The following FLNC variants were observed in gnomAD, a reference collection of about 807,000 sequenced individuals.
FLNC encodes filamin C.
A neutral mutation model predicts 254.3 loss-of-function variants in FLNC; 91 were observed. That is an observed-to-expected ratio of 0.36 (90% CI 0.30 to 0.43). The LOEUF (loss-of-function observed/expected upper bound fraction) is 0.43. Ranked by LOEUF, FLNC falls within the 20% of genes least tolerant of loss-of-function variation. The pLI, the probability that FLNC is intolerant of heterozygous loss-of-function variation, is 1.00. For missense variants in FLNC, 2,853 were observed against 3,802.6 expected (o/e 0.75, Z 6.57); for synonymous variants, 1,430 against 1,577.2 (o/e 0.91, Z 2.21).
In FLNC at chr7:128,835,498, G is replaced by T; in HGVS notation, c.525G>T (p.Gln175His). 6.2e-7 allele frequency: 1 copy of T among 1,613,762 alleles called. No homozygotes were observed. Among genetic ancestry groups the T allele is most frequent in the Non-Finnish European group, 8.5e-7 (1 of 1,180,026 alleles). ...GCTGGATCCAGAACAAGGTGCCCCA[G>T]CTGCCCATCACCAACTTCAACCGTG... ...LLGWIQNKVP[Q>H]LPITNFNRDW... Residue 175 changes from glutamine (Q) to histidine (H), a missense_variant, in exon 2 of 48, where the codon CAG (glutamine) becomes CAT (histidine). By Grantham distance (24) the Gln-to-His change is conservative. This residue lies in a region of FLNC where 115 missense variants were observed against 230.3 expected (regional missense o/e 0.50). Transcript: ENST00000325888. This position sits in a 1 kb window ranked among gnomAD's most constrained non-coding sequence, Gnocchi z 5.3.
chr7:128,832,418 A>G (rs192393195), intron 1 of FLNC, among the ~76,000 whole-genome samples: 6 of 152,326 alleles, frequency 3.9e-5, no homozygotes, highest in Admixed American at 3.9e-4. Context: ...CATCCTCAGC[A>G]GGCTGGGTTT....
chr7:128,849,006 G>A (rs1294193991), intron 28 of FLNC, 24 bp downstream of exon 28: 1 of 1,607,556 alleles, frequency 6.2e-7, no homozygotes, highest in East Asian at 2.2e-5. Flanking sequence ...CGCTGCCCGT[G>A]CCCTGCTCAC....
Position 128,853,195 on chromosome 7 carries a change from G to A in FLNC, c.6208+164G>A, listed in dbSNP as rs1585168319. On this transcript the variant is annotated intron_variant, in intron 37 of 47. Coordinates refer to ENST00000325888, the MANE Select transcript of FLNC (RefSeq NM_001458.5). ...GGGGCCCCTTGCGGGAAAGTGAATGGCCCCGCATCAGTTCTCTCCCTTTTA... is the reference window on the plus strand; with the variant it reads ...GGGGCCCCTTGCGGGAAAGTGAATGACCCCGCATCAGTTCTCTCCCTTTTA... The A allele has an allele frequency of 3.4e-5, 26 of 757,632 alleles. No individual in the cohort carries two copies. In the East Asian group the frequency reaches 7.0e-4, roughly 20 times the overall value. 46.9% of individuals were successfully genotyped at this position (757,632 alleles called of 1,614,324 possible).
rs377549772 is a variant in FLNC at position 128,844,645 on chromosome 7, C to T, written c.3193-13C>T. 37 of 1,607,548 alleles carry T rather than the reference C, an allele frequency of 2.3e-5. No homozygotes were observed. The highest frequency in any genetic ancestry group is 4.0e-5 in the African/African-American group (3 of 74,886). The stretch of plus-strand genomic sequence containing the variant: ...CCAGGTGCAGGGAACCCACAACCTG[C>T]CTCTTCCCCTAGGTCTGTGCTTATG... On this transcript the variant is annotated splice_polypyrimidine_tract_variant and intron_variant, in intron 20 of 47. Transcript: ENST00000325888.
chr7:128,845,925 G>T (rs1808543169), intron 21 of FLNC, 65 bp from the exon 22 acceptor site: 1 of 1,446,968 alleles, frequency 6.9e-7, no homozygotes, highest in Non-Finnish European at 9.7e-7. Context: ...GAGGGGGAGA[G>T]GAGAGGGAGC....
Position 128,856,388 on chromosome 7 carries a change from G to T in FLNC, c.7252-130G>T, listed in dbSNP as rs907872298. The T allele has an allele frequency of 1.6e-6, 2 of 1,227,934 alleles. No homozygotes were observed. Among genetic ancestry groups the T allele is most frequent in the African/African-American group, 3.0e-5 (2 of 67,614 alleles). 76.1% of individuals were successfully genotyped at this position (1,227,934 alleles called of 1,614,324 possible). ...GCTCCCAGGCTGGGCTGGCAGGCAG[G>T]GGCCAGGCTGGGCATGGGGTGGCAG... On this transcript the variant is annotated intron_variant, in intron 43 of 47. Coordinates refer to ENST00000325888, the MANE Select transcript of FLNC (RefSeq NM_001458.5). The surrounding 1 kb of genome is among the most constrained non-coding windows in gnomAD (Gnocchi z 5.9).
At chr7:128,851,421 G>A (rs753351679) in intron 34 of FLNC, 34 bp from the exon 35 acceptor site, 4 of 1,613,810 alleles carry the variant, frequency 2.5e-6, no homozygotes, top group Non-Finnish European at 3.4e-6. Flanking sequence ...GGTGAGGGCA[G>A]GACCTCTGAT....
At chr7:128,853,651 G>A (rs893621239) in intron 38 of FLNC, 30 bp downstream of exon 38, 2 of 1,613,974 alleles carry the variant, frequency 1.2e-6, no homozygotes, top group Non-Finnish European at 1.7e-6. Context: ...TCGGTGGCGA[G>A]AGACAGGGAG....
chr7:128,838,059 C>T lies in FLNC; in HGVS notation c.1042C>T (p.His348Tyr), dbSNP rs2128934341. ...CTATGTGCCCAAGGTCGCTGGGTTACACAAGGTATCTCCCTCTAGGCCCCC... is the reference window on the plus strand; with the variant it reads ...CTATGTGCCCAAGGTCGCTGGGTTATACAAGGTATCTCCCTCTAGGCCCCC... ...VSYVPKVAGL[H>Y]KVTVLFAGQN... The change falls in exon 6 of 48, where the codon CAC (histidine) becomes TAC (tyrosine). Residue 348 changes from histidine to tyrosine, a missense_variant. By Grantham distance (83) the His-to-Tyr change is moderately conservative. Around this residue, in one of 10 missense-constraint regions of FLNC, gnomAD observed 1,573 missense variants for 1,883.5 expected, o/e 0.84. Coordinates refer to ENST00000325888, the MANE Select transcript of FLNC (RefSeq NM_001458.5). The T allele has an allele frequency of 5.6e-6, 9 of 1,613,146 alleles. No homozygotes were observed. Among genetic ancestry groups the T allele is most frequent in the Non-Finnish European group, 7.6e-6 (9 of 1,179,242 alleles).
At chr7:128,837,916 CA>C in intron 5 of FLNC, 70 bp from the exon 6 acceptor site, 1 of 1,444,434 alleles carries the variant, frequency 6.9e-7, no homozygotes, top group African/African-American at 1.4e-5. Context: ...GGCTGGGGTG[CA>C]TAAGGCACTG....
Position 128,838,612 on chromosome 7 carries a change from C to A in FLNC, c.1220C>A (p.Thr407Asn), listed in dbSNP as rs1421140939. The change falls in exon 8 of 48, where the codon ACT becomes AAT. Residue 407 changes from threonine to asparagine, a missense_variant. Physicochemically the swap from Thr to Asn is moderately conservative, Grantham distance 65 (BLOSUM62 0). Transcript: ENST00000325888. ...CCTCTGTTTTCGGCAGGGGCCGGCACTGGCGATGTTGCTGTGGTGATCGTG... is the reference window on the plus strand; with the variant it reads ...CCTCTGTTTTCGGCAGGGGCCGGCAATGGCGATGTTGCTGTGGTGATCGTG... ...YFDIYTAGAG[T>N]GDVAVVIVDP... The A allele has an allele frequency of 1.2e-6, 2 of 1,612,894 alleles. No individual in the cohort carries two copies. The highest frequency in any genetic ancestry group is 1.7e-6 in the Non-Finnish European group (2 of 1,180,004).
rs199715890 is a variant in FLNC at position 128,841,207 on chromosome 7, A to G, written c.1851A>G (p.Glu617=). Residue 617 remains glutamate (E), a synonymous_variant, in exon 12 of 48, where the codon GAA becomes GAG. Transcript: ENST00000325888. The surrounding 1 kb of genome is among the most constrained non-coding windows in gnomAD (Gnocchi z 4.3). ...SIEGPSQAKI[E]CDDKGDGSCD... is the part of the protein sequence containing the mutation. The stretch of plus-strand genomic sequence containing the variant: ...AGGGGCCCTCACAAGCCAAGATCGA[A>G]TGTGACGACAAGGGGGATGGCTCCT... 3.2e-5 allele frequency: 51 copies of G among 1,613,900 alleles called. No homozygotes were observed. Among genetic ancestry groups the G allele is most frequent in the Non-Finnish European group, 3.9e-5 (46 of 1,179,976 alleles).
rs989684930 is a variant in FLNC at position 128,858,726 on chromosome 7, A to G, written c.*203A>G. 5.0e-6 allele frequency: 3 copies of G among 598,720 alleles called. No homozygotes were observed. The highest frequency in any genetic ancestry group is 6.0e-6 in the Non-Finnish European group (2 of 333,692). 37.1% of individuals were successfully genotyped at this position (598,720 alleles called of 1,614,324 possible). On this transcript the variant is annotated 3_prime_UTR_variant, in exon 48 of 48. Coordinates refer to ENST00000325888, the MANE Select transcript of FLNC (RefSeq NM_001458.5). The surrounding 1 kb of genome is among the most constrained non-coding windows in gnomAD (Gnocchi z 6.7). ...TGGAGGACCTTGTCTGTGTCAGGAC[A>G]GTGTCCCTCCCTGGGAATGTGACAT...
At position 128,846,424 on chromosome 7, in the gene FLNC, G is replaced by T; in HGVS notation, c.4088G>T (p.Gly1363Val). Residue 1363 changes from glycine to valine, a missense_variant, in exon 23 of 48, where the codon GGC (glycine) becomes GTC (valine). Gly to Val is a moderately radical substitution (Grantham distance 109, BLOSUM62 -3). Coordinates refer to ENST00000325888, the MANE Select transcript of FLNC (RefSeq NM_001458.5). Reference sequence around the variant, plus strand: ...GCCTTCGGGCCAGGCCTGGAGGGTGGCTTGGTCAACAAGGCCAACCGATTC... The same window carrying T: ...GCCTTCGGGCCAGGCCTGGAGGGTGTCTTGGTCAACAAGGCCAACCGATTC... ...VRAFGPGLEG[G>V]LVNKANRFTV... 6.2e-7 allele frequency: 1 copy of T among 1,605,798 alleles called. No homozygotes were observed.
In FLNC at chr7:128,857,048, G is replaced by T; in HGVS notation, c.7562-70G>T. The T allele has an allele frequency of 6.3e-7, 1 of 1,577,694 alleles. No homozygotes were observed. The highest frequency in any genetic ancestry group is 2.2e-5 in the East Asian group (1 of 44,680). ...GGAGTCCCCACAGAGGCTGTCCAGG[G>T]AGCTGGGGCCCAGTCCCTCTTGGGC... On this transcript the variant is annotated intron_variant, in intron 45 of 47. Transcript: ENST00000325888. This position sits in a 1 kb window ranked among gnomAD's most constrained non-coding sequence, Gnocchi z 4.5.
chr7:128,843,118 A>T, intron 16 of FLNC, 111 bp from the exon 17 acceptor site: 1 of 1,362,278 alleles, frequency 7.3e-7, no homozygotes, highest in Non-Finnish European at 1.0e-6. Context: ...GCCCTTTTGG[A>T]GGCTGCCCCT....
intron 20 of FLNC, 130 bp downstream of exon 20, chr7:128,844,396 C>G (rs758973621): frequency 4.4e-6 from 5 of 1,135,742 alleles, no homozygotes; most frequent in Non-Finnish European, 4.9e-6. Context: ...GGGGCTGAGG[C>G]CAGCCCCACC....
In FLNC at chr7:128,840,614, C is replaced by G; in HGVS notation, c.1616C>G (p.Pro539Arg). The G allele has an allele frequency of 6.2e-7, 1 of 1,614,198 alleles. No homozygotes were observed. Among genetic ancestry groups the G allele is most frequent in the Non-Finnish European group, 8.5e-7 (1 of 1,180,030 alleles). ...GGTGTGTTCGAGTGCGAGTACTACCCGGTGGTGCCTGGGAAGTATGTGGTG... is the reference window on the plus strand; with the variant it reads ...GGTGTGTTCGAGTGCGAGTACTACCGGGTGGTGCCTGGGAAGTATGTGGTG... ...GDGVFECEYYPVVPGKYVVTI... is the reference protein window; with the variant it reads ...GDGVFECEYYRVVPGKYVVTI... Residue 539 changes from proline (P) to arginine (R), a missense_variant, in exon 10 of 48, where the codon CCG (proline) becomes CGG (arginine). Physicochemically the swap from Pro to Arg is moderately radical, Grantham distance 103 (BLOSUM62 -2). Coordinates refer to ENST00000325888, the MANE Select transcript of FLNC (RefSeq NM_001458.5).
In FLNC at chr7:128,854,633, G is replaced by T; in HGVS notation, c.6948G>T (p.Lys2316Asn). The change falls in exon 41 of 48, where the codon AAG (lysine) becomes AAT (asparagine). Residue 2316 changes from lysine to asparagine, a missense_variant. Lys to Asn is a moderately conservative substitution (Grantham distance 94). Coordinates refer to ENST00000325888, the MANE Select transcript of FLNC (RefSeq NM_001458.5). ...CGCTGGGTGAAGGTGGTGCCCACAA[G>T]GTGCGGGCCGGAGGCACAGGGCTGG... ...VGPLGEGGAH[K>N]VRAGGTGLER... 6.2e-7 allele frequency: 1 copy of T among 1,612,528 alleles called. No homozygotes were observed. The highest frequency in any genetic ancestry group is 8.5e-7 in the Non-Finnish European group (1 of 1,179,526).
Sources: allele counts gnomAD v4.1 joint callset (sites outside exome capture counted in the v4.1 genomes callset), GRCh38; gene constraint gnomAD v4.1.1; regional missense constraint gnomAD v4.1.1; non-coding constraint Gnocchi (gnomAD v3.1); transcripts MANE v1.5; gene names NCBI Gene and HGNC (gene_info 2026-07-23, HGNC 2026-07-21).